The following XRCC3 variants were observed in gnomAD, a reference collection of about 807,000 sequenced individuals.
XRCC3 encodes the protein X-ray repair cross complementing 3.
In XRCC3, 34 loss-of-function variants were observed where a neutral mutation model predicts 29.2. That is an observed-to-expected ratio of 1.16 (90% CI 0.88 to 1.55). The LOEUF is 1.55. Ranked by LOEUF, XRCC3 falls within the 40% of genes most tolerant of loss-of-function variation. The pLI is 0.00. For missense variants in XRCC3, 463 were observed against 467.6 expected (o/e 0.99, Z 0.09); for synonymous variants, 223 against 211.3 (o/e 1.06, Z -0.48).
At chr14:103,703,388 C>T in intron 6 of XRCC3, 61 bp from the exon 7 acceptor site, 1 of 1,503,034 alleles carries the variant, frequency 6.7e-7, no homozygotes, top group Non-Finnish European at 9.0e-7. Flanking sequence ...GACTGCCACA[C>T]AAATCAAGTG....
At chr14:103,707,714 C>T in intron 5 of XRCC3, 1 of 218,478 alleles carries the variant, frequency 4.6e-6, no homozygotes, top group East Asian at 1.2e-4. Context: ...GCTAAAGGGC[C>T]TTGGATGAGC....
Position 103,708,563 on chromosome 14 carries a change from C to T in XRCC3, c.152G>A (p.Arg51Lys), listed in dbSNP as rs762734728. ...LSSPEVWHLLRTASLHLRGSS... is the reference protein window; with the variant it reads ...LSSPEVWHLLKTASLHLRGSS... ...TCCCCGCAAGTGTAAGGAGGCCGTT[C>T]TCAGCAAGTGCCAGACCTCGGGGCT... The change falls in exon 5 of 10, where the codon AGA becomes AAA. Residue 51 changes from arginine (R) to lysine (K), a missense_variant. Arg to Lys is a conservative substitution (Grantham distance 26, BLOSUM62 2). Coordinates refer to ENST00000555055, the MANE Select transcript of XRCC3 (RefSeq NM_005432.4). 6.2e-7 allele frequency: 1 copy of T among 1,614,158 alleles called. No homozygotes were observed. Among genetic ancestry groups the T allele is most frequent in the Non-Finnish European group, 8.5e-7 (1 of 1,180,018 alleles).
intron 1 of XRCC3, chr14:103,714,300 A>G (rs765629407): frequency 6.6e-6 from 1 of 152,290 alleles, no homozygotes; most frequent in Non-Finnish European, 1.5e-5. Context: ...TGCACTGCCA[A>G]TGGCCCCAGG....
Position 103,698,466 on chromosome 14 carries a change from A to C in XRCC3, c.*332T>G, listed in dbSNP as rs1042127004. On this transcript the variant is annotated 3_prime_UTR_variant, in exon 10 of 10. Transcript: ENST00000555055. Reference sequence around the variant, plus strand: ...AGTTGGGCTTCCATGTGGAGAGAAGAAGCAGGCGGCTCCCAGGGAGTCACT... The same window carrying C: ...AGTTGGGCTTCCATGTGGAGAGAAGCAGCAGGCGGCTCCCAGGGAGTCACT... 2.4e-5 allele frequency: 9 copies of C among 380,124 alleles called. No individual in the cohort carries two copies. The highest frequency in any genetic ancestry group is 1.2e-4 in the Admixed American group (3 of 25,290). 23.5% of individuals were successfully genotyped at this position (380,124 alleles called of 1,614,324 possible). A position where few individuals can be genotyped will look rare whatever the true frequency, so the allele number is the denominator to read the frequency against.
intron 7 of XRCC3, chr14:103,701,075 C>T (rs2083157924): frequency 1.6e-6 from 2 of 1,216,714 alleles, no homozygotes; most frequent in Non-Finnish European, 2.3e-6. Context: ...GGCTCACAAC[C>T]AGCAACACCC....
chr14:103,711,204 A>C lies in XRCC3; in HGVS notation c.-117T>G. 2 of 1,119,068 alleles carry C rather than the reference A, an allele frequency of 1.8e-6. No homozygotes were observed. Among genetic ancestry groups the C allele is most frequent in the Non-Finnish European group, 2.7e-6 (2 of 745,820 alleles). The allele number at this position is 1,119,068 out of a possible 1,614,324, so 69.3% of individuals were successfully genotyped here. ...GCCTGTGGGAGGCCCGAACCAGGGA[A>C]GTGACAGCAGCCGAGGTGTCCGTGT... On this transcript the variant is annotated 5_prime_UTR_variant, in exon 4 of 10. Transcript: ENST00000555055.
chr14:103,698,617 C>T lies in XRCC3; in HGVS notation c.*181G>A. The T allele has an allele frequency of 3.1e-6, 2 of 648,592 alleles. No homozygotes were observed. The highest frequency in any genetic ancestry group is 1.8e-5 in the African/African-American group (1 of 55,374). 40.2% of individuals were successfully genotyped at this position (648,592 alleles called of 1,614,324 possible). A position where few individuals can be genotyped will look rare whatever the true frequency, so the allele number is the denominator to read the frequency against. On this transcript the variant is annotated 3_prime_UTR_variant, in exon 10 of 10. Transcript: ENST00000555055. ...AGGGAGAGGCAGAACATCCCCCCAG[C>T]TCAGATGGGGGTCAGTCTGTGGCCA...
intron 8 of XRCC3, 40 bp from the exon 9 acceptor site, chr14:103,699,219 G>A: frequency 6.5e-7 from 1 of 1,545,826 alleles, no homozygotes; most frequent in Non-Finnish European, 8.7e-7. Context: ...ACGGCTGAGG[G>A]TCTTCTCGAT....
intron 4 of XRCC3, chr14:103,709,180 G>C: frequency 3.8e-6 from 1 of 261,450 alleles, no homozygotes; most frequent in South Asian, 4.3e-5. Flanking sequence ...GCGCAGGGCA[G>C]TCAGGGCAGG....
At chr14:103,709,767 T>C (rs962672296) in intron 4 of XRCC3, 1 of 152,230 alleles carries the variant, frequency 6.6e-6, no homozygotes, top group Non-Finnish European at 1.5e-5. Flanking sequence ...CAGGGACTTC[T>C]GGAAACATTG....
intron 4 of XRCC3, chr14:103,709,153 A>T (rs531867121): frequency 3.5e-6 from 1 of 282,220 alleles, no homozygotes; most frequent in African/African-American, 2.2e-5. Flanking sequence ...AGCAGAGCCC[A>T]GGTCCAAACG....
chr14:103,708,509 A>T lies in XRCC3; in HGVS notation c.193+13T>A. ...ACATGTCACCCCTGGCAGAGATGCC[A>T]GGGCCCACCTACCTGTAAGGATGCT... On this transcript the variant is annotated intron_variant, in intron 5 of 9. Coordinates refer to ENST00000555055, the MANE Select transcript of XRCC3 (RefSeq NM_005432.4). 1 of 1,613,500 alleles carries T rather than the reference A, an allele frequency of 6.2e-7. No homozygotes were observed. Among genetic ancestry groups the T allele is most frequent in the South Asian group, 1.1e-5 (1 of 91,058 alleles).
chr14:103,708,760 G>T, intron 4 of XRCC3, 101 bp from the exon 5 acceptor site: 1 of 1,497,064 alleles, frequency 6.7e-7, no homozygotes, highest in Non-Finnish European at 9.2e-7. Flanking sequence ...TGAGAGCACC[G>T]TGCTTCCGAT....
In XRCC3 at chr14:103,699,420, C is replaced by T. The variant is rs1302863995; in HGVS notation, c.718G>A (p.Ala240Thr). The change falls in exon 8 of 10, where the codon GCC becomes ACC. Residue 240 changes from alanine (A) to threonine (T), a missense_variant. By Grantham distance (58) the Ala-to-Thr change is moderately conservative. Coordinates refer to ENST00000555055, the MANE Select transcript of XRCC3 (RefSeq NM_005432.4). The part of the protein sequence containing the change: ...PRARHLQSLG[A>T]TLRELSSAFQ... ...GCACTGCTCAGCTCACGCAGCGTGG[C>T]CCCCAGGGACTGCAGATGCCTGGCC... 1 of 1,612,318 alleles carries T rather than the reference C, an allele frequency of 6.2e-7. No homozygotes were observed. Among genetic ancestry groups the T allele is most frequent in the Non-Finnish European group, 8.5e-7 (1 of 1,179,606 alleles).
At chr14:103,705,817 C>T (rs1038883611) in intron 6 of XRCC3, 10 of 159,246 alleles carry the variant, frequency 6.3e-5, no homozygotes, top group Non-Finnish European at 1.1e-4. Context: ...CAGATTTGCA[C>T]GAAGCCTGGC....
rs757118786 is a variant in XRCC3 at position 103,707,177 on chromosome 14, G to C, written c.232C>G (p.Gln78Glu). 6.5e-7 allele frequency: 1 copy of C among 1,549,394 alleles called. No homozygotes were observed. The highest frequency in any genetic ancestry group is 8.7e-7 in the Non-Finnish European group (1 of 1,146,760). ...CAGCCCAGGCTCAGGCGCTGGTGCT[G>C]CGTGGGGAACCGCTCCTTCTGCTGG... is the stretch of plus-strand genomic sequence containing the variant. Reference protein sequence around the residue: ...LHQQKERFPTQHQRLSLGCPV... With the variant: ...LHQQKERFPTEHQRLSLGCPV... Residue 78 changes from glutamine (Q) to glutamate (E), a missense_variant, in exon 6 of 10, where the codon CAG becomes GAG. Physicochemically the swap from Gln to Glu is conservative, Grantham distance 29 (BLOSUM62 2). Transcript: ENST00000555055.
At chr14:103,709,006 G>A in intron 4 of XRCC3, 1 of 363,260 alleles carries the variant, frequency 2.8e-6, no homozygotes, top group Non-Finnish European at 5.4e-6. Flanking sequence ...CCAGTTCCAT[G>A]CCAGCTGGAG....
chr14:103,702,900 G>A (rs756510755), intron 7 of XRCC3: 3 of 497,514 alleles, frequency 6.0e-6, no homozygotes, highest in Non-Finnish European at 1.1e-5. Context: ...AGTCCCCAGA[G>A]GCCGTCTGAT....
intron 6 of XRCC3, chr14:103,703,642 C>A (rs2083321004): frequency 4.9e-6 from 2 of 408,224 alleles, no homozygotes. Context: ...CACCCTGCCC[C>A]TCCTTCCCCC....
Sources: gnomAD v4.1 joint callset for allele counts on GRCh38, gnomAD v4.1.1 for gene constraint, MANE v1.5 for transcripts, NCBI Gene and HGNC (gene_info 2026-07-23, HGNC 2026-07-21) for gene names.